UNC79: variants seen among roughly 807,000 people sequenced by gnomAD.
UNC79 encodes the protein unc-79 subunit of NALCN channel complex.
A neutral mutation model predicts 283.1 loss-of-function variants in UNC79; 37 were observed. The observed-to-expected ratio is 0.13, with a 90% confidence interval of 0.10 to 0.17. UNC79 has a LOEUF of 0.17. Among genes scored for constraint, UNC79 ranks in the 10% least tolerant of loss-of-function variants. The pLI, the probability that UNC79 is intolerant of heterozygous loss-of-function variation, is 1.00. For synonymous variants in UNC79, 1,107 were observed against 1,200.2 expected (o/e 0.92, Z 1.61); for missense variants, 2,272 against 3,211.1 (o/e 0.71, Z 7.07).
chr14:93,380,091 A>G (rs1260670345), intron 1 of UNC79, among the ~76,000 whole-genome samples: 3 of 152,154 alleles, frequency 2.0e-5, no homozygotes, highest in Non-Finnish European at 4.4e-5. Context: ...AAGACACAAC[A>G]TAAGTAAGGA....
rs142081756 is a variant in UNC79, at chr14:93,497,177, G to A, written c.789G>A (p.Ala263=). The A allele has an allele frequency of 3.5e-4, 563 of 1,612,680 alleles. 4 individuals carry two copies. In the African/African-American group the frequency reaches 6.6e-3, roughly 19 times the overall value. ...TTTAGGATCTTTTGTATGTGATTGC[G>A]TATGGGCCTTCACAAGTGAAGCCTC... The change falls in exon 7 of 49, where the codon GCG becomes GCA. Residue 263 remains alanine, a synonymous_variant. Transcript: ENST00000555664.
chr14:93,544,281 A>G (rs897373874), intron 14 of UNC79, among the ~76,000 whole-genome samples: 1 of 152,234 alleles, frequency 6.6e-6, no homozygotes, highest in Non-Finnish European at 1.5e-5. Context: ...ATAGCCAGAA[A>G]TAAAAGATTT....
chr14:93,605,262 G>A (rs1566758444), intron 26 of UNC79, among the ~76,000 whole-genome samples: 1 of 152,002 alleles, frequency 6.6e-6, no homozygotes, highest in East Asian at 1.9e-4. Flanking sequence ...ATTTATATTT[G>A]TATGTGTCTT....
chr14:93,442,325 G>T (rs2056329233), intron 1 of UNC79, among the ~76,000 whole-genome samples: 1 of 152,010 alleles, frequency 6.6e-6, no homozygotes, highest in Admixed American at 6.6e-5. Context: ...TCGTACACAT[G>T]TTGGGTGTTT....
At position 93,347,627 on chromosome 14, in the gene UNC79, C is replaced by T. The variant is rs181406130; in HGVS notation, c.-351+14104C>T. On this transcript the variant is annotated intron_variant, in intron 1 of 49. Coordinates refer to the UNC79 transcript ENST00000256339. ...GCACAGGGGCGGAAAGCCCGGGACCCTGAGGAACGCGCGGGGATTGGGCCT... is the reference window on the plus strand; with the variant it reads ...GCACAGGGGCGGAAAGCCCGGGACCTTGAGGAACGCGCGGGGATTGGGCCT... Among the ~76,000 whole-genome samples the T allele has an allele frequency of 4.6e-3, 701 of 152,116 alleles. 6 individuals carry two copies. The highest frequency in any genetic ancestry group is 0.016 in the African/African-American group (668 of 41,524).
At chr14:93,550,191 C>A (rs2061800836) in intron 14 of UNC79, among the ~76,000 whole-genome samples, 1 of 152,102 alleles carries the variant, frequency 6.6e-6, no homozygotes, top group Non-Finnish European at 1.5e-5. Flanking sequence ...TAGTTAGTTA[C>A]AGTTTGTTTT....
intron 1 of UNC79, among the ~76,000 whole-genome samples, chr14:93,354,034 CAT>C (rs1471799133): frequency 1.3e-5 from 2 of 152,078 alleles, no homozygotes; most frequent in Non-Finnish European, 2.9e-5. Context: ...TGTTTGCTAA[CAT>C]GTTATTTAAG....
chr14:93,512,084 C>T (rs564439861), intron 7 of UNC79, among the ~76,000 whole-genome samples: 1 of 152,102 alleles, frequency 6.6e-6, no homozygotes, highest in African/African-American at 2.4e-5. Context: ...ATTGCTCTAT[C>T]TTTATTGCCT....
chr14:93,580,567 C>T (rs140526167), intron 19 of UNC79, among the ~76,000 whole-genome samples, 191 bp downstream of exon 19: 145 of 152,288 alleles, frequency 9.5e-4, no homozygotes, highest in African/African-American at 2.9e-3. Context: ...ACTGAAGCCA[C>T]GCTATACGGA....
At chr14:93,604,066 A>T (rs541360763) in intron 26 of UNC79, among the ~76,000 whole-genome samples, 1 of 152,214 alleles carries the variant, frequency 6.6e-6, no homozygotes, top group Non-Finnish European at 1.5e-5. Context: ...AATTTTCCTT[A>T]AATTACCAAA....
At chr14:93,383,845 T>G (rs2054713698) in intron 1 of UNC79, among the ~76,000 whole-genome samples, 1 of 152,166 alleles carries the variant, frequency 6.6e-6, no homozygotes, top group South Asian at 2.1e-4. Context: ...TCCTGTGCTG[T>G]TCTCATGATA....
chr14:93,600,766 T>A, exon 25 of UNC79: 1 of 1,611,174 alleles, frequency 6.2e-7, no homozygotes, highest in Non-Finnish European at 8.5e-7. Flanking sequence ...TTCCTTTTCC[T>A]ACAAGTAAGT....
At chr14:93,583,391 G>A (rs1369504112) in intron 20 of UNC79, among the ~76,000 whole-genome samples, 2 of 152,164 alleles carry the variant, frequency 1.3e-5, no homozygotes, top group Non-Finnish European at 1.5e-5. Context: ...AGGAGGCATG[G>A]GCTTGGCATC....
At chr14:93,492,093 A>G (rs2058755102) in intron 5 of UNC79, among the ~76,000 whole-genome samples, 1 of 152,196 alleles carries the variant, frequency 6.6e-6, no homozygotes. Flanking sequence ...AGCACCTTCT[A>G]TATACAGGGC....
intron 39 of UNC79, among the ~76,000 whole-genome samples, chr14:93,660,338 G>C (rs1056887884): frequency 2.1e-4 from 32 of 151,806 alleles, no homozygotes; most frequent in African/African-American, 7.5e-4. Context: ...GAAGATTTGT[G>C]ACTTGAACAT....
intron 8 of UNC79, among the ~76,000 whole-genome samples, chr14:93,527,873 T>G (rs988141231): frequency 5.9e-5 from 9 of 152,024 alleles, no homozygotes; most frequent in African/African-American, 2.2e-4. Flanking sequence ...ATTCTGATGA[T>G]CAACTGTGAA....
intron 11 of UNC79, among the ~76,000 whole-genome samples, chr14:93,536,415 A>G (rs1237596271): frequency 6.6e-6 from 1 of 152,148 alleles, no homozygotes; most frequent in Non-Finnish European, 1.5e-5. Context: ...GGAGATGCCC[A>G]TCTTTTCCTT....
chr14:93,430,894 C>T lies in UNC79; in HGVS notation c.-136C>T, dbSNP rs370987876. 1.9e-6 allele frequency: 1 copy of T among 538,834 alleles called. No individual in the cohort carries two copies. The highest frequency in any genetic ancestry group is 2.5e-5 in the African/African-American group (1 of 39,436). 33.4% of individuals were successfully genotyped at this position (538,834 alleles called of 1,614,324 possible). On this transcript the variant is annotated 5_prime_UTR_variant, in exon 1 of 49. Transcript: ENST00000555664. This position sits in a 1 kb window ranked among gnomAD's most constrained non-coding sequence, Gnocchi z 4.6. The stretch of plus-strand genomic sequence containing the variant: ...GCGTTTTGTCCGAATGGTAGCGACA[C>T]GGGCCTAAGGGAGGGGGAAAGCGAG...
chr14:93,501,004 A>G (rs1354338757), intron 7 of UNC79, among the ~76,000 whole-genome samples: 1 of 152,226 alleles, frequency 6.6e-6, no homozygotes, highest in Non-Finnish European at 1.5e-5. Context: ...TTGTTTTCCC[A>G]GTGATTTACA....
Sources: allele counts gnomAD v4.1 joint callset (sites outside exome capture counted in the v4.1 genomes callset), GRCh38; gene constraint gnomAD v4.1.1; non-coding constraint Gnocchi (gnomAD v3.1); transcripts MANE v1.5; gene names NCBI Gene and HGNC (gene_info 2026-07-23, HGNC 2026-07-21).